Variants in CNTN1 observed in about 807,000 individuals in gnomAD.
CNTN1 encodes the protein contactin-1.
CNTN1 carries 38 observed loss-of-function variants against 126.4 expected under a neutral mutation model. The ratio of observed to expected loss-of-function variants is 0.30; its 90% CI spans 0.23 to 0.39. The LOEUF (loss-of-function observed/expected upper bound fraction) is 0.39. Ranked by LOEUF, CNTN1 falls within the 10% of genes least tolerant of loss-of-function variation. The probability of loss-of-function intolerance (pLI) is 1.00; values close to 1 mark genes in which losing one functional copy is unlikely to be tolerated. For missense variants in CNTN1, 1,009 were observed against 1,248.4 expected, an observed-to-expected ratio of 0.81 and a Z score of 2.89; for synonymous variants, 413 against 422.6, an observed-to-expected ratio of 0.98 and a Z score of 0.28.
intron 1 of CNTN1, among the ~76,000 whole-genome samples, chr12:40,835,605 A>G (rs1942018592): frequency 6.6e-6 from 1 of 152,084 alleles, no homozygotes; most frequent in Non-Finnish European, 1.5e-5. Flanking sequence ...TACTGCCAAT[A>G]TGATCATTTC....
intron 6 of CNTN1, among the ~76,000 whole-genome samples, chr12:40,929,398 A>G (rs773542812): frequency 3.3e-5 from 5 of 151,898 alleles, no homozygotes; most frequent in Non-Finnish European, 7.4e-5. Flanking sequence ...AATCTTAATT[A>G]TATTTATAAA....
intron 1 of CNTN1, among the ~76,000 whole-genome samples, chr12:40,842,007 AGAAAT>A (rs1258324009): frequency 6.6e-6 from 1 of 152,046 alleles, no homozygotes; most frequent in Non-Finnish European, 1.5e-5. Context: ...TTTTAAAAAA[AGAAAT>A]AAATAAAAAG....
intron 1 of CNTN1, among the ~76,000 whole-genome samples, chr12:40,887,444 C>T (rs556736147): frequency 6.6e-6 from 1 of 152,258 alleles, no homozygotes; most frequent in South Asian, 2.1e-4. Context: ...CAGAGATATG[C>T]AAATCAAAAC....
chr12:40,925,885 A>T lies in CNTN1; in HGVS notation c.496+1233A>T, dbSNP rs1945664596. ...ATATATATGTATATATACATATTTTAAAAACCTACCATTTTCATAGTGTTT... is the reference window on the plus strand; with the variant it reads ...ATATATATGTATATATACATATTTTTAAAACCTACCATTTTCATAGTGTTT... On this transcript the variant is annotated intron_variant, in intron 6 of 23. Coordinates refer to ENST00000551295, the MANE Select transcript of CNTN1 (RefSeq NM_001843.4). Among the ~76,000 whole-genome samples, 2 of 145,018 alleles carry T rather than the reference A, an allele frequency of 1.4e-5. 1 individual carries two copies. Among genetic ancestry groups the T allele is most frequent in the South Asian group, 4.3e-4 (2 of 4,650 alleles).
At chr12:40,958,349 A>ATGTG (rs1478284962) in intron 14 of CNTN1, among the ~76,000 whole-genome samples, 10 of 114,034 alleles carry the variant, frequency 8.8e-5, no homozygotes, top group African/African-American at 3.1e-4. Flanking sequence ...GTGTGTGTAT[A>ATGTG]TATGTGTGTG....
chr12:40,999,688 T>C (rs1392076621), intron 17 of CNTN1, among the ~76,000 whole-genome samples: 2 of 149,240 alleles, frequency 1.3e-5, no homozygotes, highest in Admixed American at 6.8e-5. Flanking sequence ...CAGTTACTGT[T>C]CTTCTGTGCT....
chr12:40,947,515 T>C (rs1463260421), intron 14 of CNTN1, among the ~76,000 whole-genome samples: 3 of 151,998 alleles, frequency 2.0e-5, no homozygotes, highest in East Asian at 3.8e-4. Context: ...ATTCATTTAA[T>C]GTATAACTTT....
chr12:40,745,503 G>T (rs1225854722), intron 1 of CNTN1, among the ~76,000 whole-genome samples: 1 of 152,102 alleles, frequency 6.6e-6, no homozygotes, highest in Non-Finnish European at 1.5e-5. Flanking sequence ...TTTATCTAAA[G>T]ATCTGGAATT....
chr12:41,008,721 T>C (rs909740270), intron 17 of CNTN1, among the ~76,000 whole-genome samples: 10 of 152,212 alleles, frequency 6.6e-5, no homozygotes, highest in African/African-American at 2.4e-4. Context: ...ATGAACCATC[T>C]ATGACATGCT....
At chr12:40,969,013 A>C (rs565488876) in intron 15 of CNTN1, among the ~76,000 whole-genome samples, 1 of 152,298 alleles carries the variant, frequency 6.6e-6, no homozygotes, top group East Asian at 1.9e-4. Context: ...TAAAATTAGA[A>C]TTTCATTAAT....
rs149958548 is a variant in CNTN1 at position 40,846,497 on chromosome 12, A to G, written c.-76-61860A>G. Among the ~76,000 whole-genome samples, 848 of 152,238 alleles carry G rather than the reference A, an allele frequency of 5.6e-3. 5 individuals are homozygous for G. The highest frequency in any genetic ancestry group is 0.019 in the African/African-American group (800 of 41,544). On this transcript the variant is annotated intron_variant, in intron 1 of 23. Coordinates refer to ENST00000551295, the MANE Select transcript of CNTN1 (RefSeq NM_001843.4). Reference sequence around the variant, plus strand: ...GAATAAGAACTCAAATGCTTCCATGAAGTCCTGGCAGCATTTTCATTGCTC... The same window carrying G: ...GAATAAGAACTCAAATGCTTCCATGGAGTCCTGGCAGCATTTTCATTGCTC...
intron 15 of CNTN1, 43 bp downstream of exon 15, chr12:40,959,277 T>C: frequency 6.2e-7 from 1 of 1,604,342 alleles, no homozygotes; most frequent in Non-Finnish European, 8.5e-7. Context: ...CAAAAGTATT[T>C]GACTTGCATA....
intron 1 of CNTN1, among the ~76,000 whole-genome samples, chr12:40,889,870 G>A (rs142673167): frequency 7.2e-5 from 11 of 152,062 alleles, no homozygotes; most frequent in Admixed American, 2.0e-4. Context: ...CTCATTTCTC[G>A]ATGTGTTAGT....
At chr12:40,695,060 C>T (rs1182447028) in intron 1 of CNTN1, among the ~76,000 whole-genome samples, 1 of 152,198 alleles carries the variant, frequency 6.6e-6, no homozygotes, top group Non-Finnish European at 1.5e-5. Context: ...CTTAATCATA[C>T]TTAGTCTTAT....
At chr12:41,039,879 G>A (rs1051217561) in intron 23 of CNTN1, among the ~76,000 whole-genome samples, 1 of 152,054 alleles carries the variant, frequency 6.6e-6, no homozygotes, top group Admixed American at 6.6e-5. Context: ...TATATATTAT[G>A]AATATTAGAA....
At chr12:41,014,131 T>C (rs939276122) in intron 17 of CNTN1, 97 bp from the exon 18 acceptor site, 1 of 1,076,062 alleles carries the variant, frequency 9.3e-7, no homozygotes, top group Non-Finnish European at 1.4e-6. Flanking sequence ...AGAAAAACAT[T>C]TGTGGTTTCT....
intron 1 of CNTN1, among the ~76,000 whole-genome samples, chr12:40,905,767 G>A (rs1944785573): frequency 6.6e-6 from 1 of 151,748 alleles, no homozygotes; most frequent in Non-Finnish European, 1.5e-5. Flanking sequence ...GTCTTATTTT[G>A]TATGTGTAAC....
chr12:40,936,047 G>T (rs761550304), intron 9 of CNTN1, among the ~76,000 whole-genome samples: 1 of 151,562 alleles, frequency 6.6e-6, no homozygotes, highest in Non-Finnish European at 1.5e-5. Context: ...CATTTATTTG[G>T]ACTAGATAAC....
At chr12:40,707,076 A>G (rs1268871521) in intron 1 of CNTN1, among the ~76,000 whole-genome samples, 3 of 112,990 alleles carry the variant, frequency 2.7e-5, no homozygotes, top group Admixed American at 9.9e-5. Flanking sequence ...ACACACACAC[A>G]CACACACACA....
Sources: allele counts gnomAD v4.1 joint callset (sites outside exome capture counted in the v4.1 genomes callset), GRCh38; gene constraint gnomAD v4.1.1; transcripts MANE v1.5; gene names NCBI Gene and HGNC (gene_info 2026-07-23, HGNC 2026-07-21).